WDR89: variants seen among roughly 807,000 people sequenced by gnomAD.
The protein encoded by WDR89 is WD repeat-containing protein 89.
Under a neutral mutation model 29.1 loss-of-function variants are expected in WDR89, and 17 were observed. That is an observed-to-expected ratio of 0.58 (90% CI 0.40 to 0.88). The LOEUF is 0.88. WDR89 is among the 40% of genes least tolerant of loss of function. WDR89 has a pLI of 0.00. For missense variants in WDR89, 396 were observed against 456.3 expected, an observed-to-expected ratio of 0.87 and a Z score of 1.20; for synonymous variants, 138 against 157.8, an observed-to-expected ratio of 0.87 and a Z score of 0.94.
intron 2 of WDR89, chr14:63,601,487 C>A: frequency 1.6e-6 from 2 of 1,276,186 alleles, no homozygotes; most frequent in Non-Finnish European, 1.1e-6. Flanking sequence ...GAGCAGAGTA[C>A]GAGTCTGAGG....
chr14:63,603,915 C>T (rs1243809924), intron 2 of WDR89, among the ~76,000 whole-genome samples: 1 of 152,202 alleles, frequency 6.6e-6, no homozygotes, highest in Non-Finnish European at 1.5e-5. Flanking sequence ...AATAGCCTTA[C>T]CTTGAACACG....
rs577985067 is a variant in WDR89 at position 63,609,820 on chromosome 14, A to T, written c.-31-9847T>A. Among the ~76,000 whole-genome samples the T allele has an allele frequency of 3.9e-5, 6 of 152,132 alleles. No individual in the cohort carries two copies. In the East Asian group the frequency reaches 1.2e-3, roughly 29 times the overall value. ...AATAAAATAAAATAAAATAAAATAA[A>T]ACAAAACCAAAAAAGCATATGAACT... is the stretch of plus-strand genomic sequence containing the variant. On this transcript the variant is annotated intron_variant, in intron 2 of 2. Coordinates refer to ENST00000620954, the MANE Select transcript of WDR89 (RefSeq NM_080666.4).
chr14:63,630,839 G>C (rs898583465), intron 1 of WDR89: 1 of 151,342 alleles, frequency 6.6e-6, no homozygotes, highest in Admixed American at 6.6e-5. Flanking sequence ...TGTTGTCCAG[G>C]ATGCAGTGTA....
chr14:63,629,027 C>T (rs1417296444), intron 1 of WDR89, among the ~76,000 whole-genome samples: 1 of 152,150 alleles, frequency 6.6e-6, no homozygotes, highest in East Asian at 1.9e-4. Flanking sequence ...AATACCAACT[C>T]TCCATCCCTG....
At chr14:63,625,054 G>A (rs1469945389) in intron 1 of WDR89, 21 bp from the exon 2 acceptor site, 5 of 151,362 alleles carry the variant, frequency 3.3e-5, no homozygotes, top group African/African-American at 1.2e-4. Context: ...ACAGAAATAC[G>A]GGTAAGCTTA....
chr14:63,601,415 G>T, intron 2 of WDR89: 3 of 782,218 alleles, frequency 3.8e-6, no homozygotes, highest in Non-Finnish European at 6.4e-6. Flanking sequence ...CTGTATGTAG[G>T]ACAAGTTCAA....
At chr14:63,605,019 G>A (rs1421253977) in intron 2 of WDR89, among the ~76,000 whole-genome samples, 1 of 152,036 alleles carries the variant, frequency 6.6e-6, no homozygotes, top group Non-Finnish European at 1.5e-5. Flanking sequence ...GCATGGTGGT[G>A]CACGCCTATA....
chr14:63,625,403 CTTA>C (rs60623269), intron 1 of WDR89, among the ~76,000 whole-genome samples: 13,936 of 152,070 alleles, frequency 0.092, 1,252 homozygotes, highest in African/African-American at 0.24. Context: ...AAACTACATA[CTTA>C]CAATTCATCA....
intron 2 of WDR89, among the ~76,000 whole-genome samples, chr14:63,608,383 AAAAT>A (rs1167114653): frequency 6.6e-6 from 1 of 152,186 alleles, no homozygotes; most frequent in African/African-American, 2.4e-5. Flanking sequence ...TTTCTCAAAA[AAAAT>A]AAATAAATCA....
Position 63,599,558 on chromosome 14 carries a change from T to A in WDR89, c.385A>T (p.Ile129Phe). The change falls in exon 3 of 3, where the codon ATT (isoleucine) becomes TTT (phenylalanine). Residue 129 changes from isoleucine (I) to phenylalanine (F), a missense_variant. Transcript: ENST00000620954. Reference sequence around the variant, plus strand: ...ACTTTTTCTGTACCAGCACAAATAATATGATCATTACAATTAATATCAAAA... The same window carrying A: ...ACTTTTTCTGTACCAGCACAAATAAAATGATCATTACAATTAATATCAAAA... ...ISFDINCNDHIICAGTEKVDD... is the reference protein window; with the variant it reads ...ISFDINCNDHFICAGTEKVDD... The A allele has an allele frequency of 6.2e-7, 1 of 1,614,154 alleles. No individual in the cohort carries two copies. Among genetic ancestry groups the A allele is most frequent in the Non-Finnish European group, 8.5e-7 (1 of 1,180,020 alleles).
chr14:63,610,702 C>CTTTT (rs1009799974), intron 2 of WDR89, among the ~76,000 whole-genome samples: 7 of 129,146 alleles, frequency 5.4e-5, no homozygotes, highest in East Asian at 2.2e-4. Context: ...CTTTTCTTTT[C>CTTTT]TTTTTTTTTT....
intron 2 of WDR89, among the ~76,000 whole-genome samples, chr14:63,606,745 C>T (rs972185027): frequency 2.0e-5 from 3 of 152,150 alleles, no homozygotes; most frequent in Admixed American, 1.3e-4. Flanking sequence ...GCTATGTGCT[C>T]GAAACTTCTA....
intron 1 of WDR89, among the ~76,000 whole-genome samples, chr14:63,640,340 G>GT (rs1884023182): frequency 6.6e-6 from 1 of 152,134 alleles, no homozygotes; most frequent in East Asian, 1.9e-4. Flanking sequence ...GTCAAGTTTG[G>GT]TATTTATTTC....
At chr14:63,606,994 T>A (rs1423991272) in intron 2 of WDR89, among the ~76,000 whole-genome samples, 1 of 152,202 alleles carries the variant, frequency 6.6e-6, no homozygotes, top group Non-Finnish European at 1.5e-5. Context: ...GCTGTCAACT[T>A]TAATCCAGGG....
intron 1 of WDR89, among the ~76,000 whole-genome samples, chr14:63,637,778 T>C (rs1378487412): frequency 1.3e-5 from 2 of 151,764 alleles, no homozygotes; most frequent in Non-Finnish European, 2.9e-5. Context: ...ATAAGAATGA[T>C]ACAATGGACT....
rs1051133324 is a variant in WDR89 at position 63,599,838 on chromosome 14, G to A, written c.105C>T (p.Val35=). Residue 35 remains valine (V), a synonymous_variant, in exon 3 of 3, where the codon GTC becomes GTT. Coordinates refer to ENST00000620954, the MANE Select transcript of WDR89 (RefSeq NM_080666.4). The part of the protein sequence containing the change: ...YLLGIDTSKT[V]QAGKENLVAV... Reference sequence around the variant, plus strand: ...CAACCAAGTTTTCCTTTCCTGCTTGGACAGTCTTTGATGTGTCTATACCAA... The same window carrying A: ...CAACCAAGTTTTCCTTTCCTGCTTGAACAGTCTTTGATGTGTCTATACCAA... 1 of 1,614,026 alleles carries A rather than the reference G, an allele frequency of 6.2e-7. No homozygotes were observed. Among genetic ancestry groups the A allele is most frequent in the Non-Finnish European group, 8.5e-7 (1 of 1,180,016 alleles).
chr14:63,608,269 G>A (rs1881723665), intron 2 of WDR89, among the ~76,000 whole-genome samples: 1 of 152,062 alleles, frequency 6.6e-6, no homozygotes, highest in African/African-American at 2.4e-5. Flanking sequence ...CTCTGGCTGG[G>A]CATGGTGACT....
At chr14:63,637,269 C>T (rs1239071710) in intron 1 of WDR89, among the ~76,000 whole-genome samples, 1 of 152,142 alleles carries the variant, frequency 6.6e-6, no homozygotes, top group East Asian at 1.9e-4. Context: ...ACAAGAGATG[C>T]TGGCGTGGAT....
At chr14:63,604,581 C>G (rs1895222522) in intron 2 of WDR89, among the ~76,000 whole-genome samples, 1 of 152,182 alleles carries the variant, frequency 6.6e-6, no homozygotes, top group South Asian at 2.1e-4. Context: ...ATTACAGACA[C>G]AAGTAAAACT....
Sources: gnomAD v4.1 joint callset for allele counts (sites outside exome capture counted in the v4.1 genomes callset) on GRCh38, gnomAD v4.1.1 for gene constraint, MANE v1.5 for transcripts, NCBI Gene and HGNC (gene_info 2026-07-23, HGNC 2026-07-21) for gene names.